The following RAB3GAP1 variants were observed in gnomAD, a reference collection of about 807,000 sequenced individuals.
RAB3GAP1 encodes the protein rab3 GTPase-activating protein catalytic subunit.
A neutral mutation model predicts 130.7 loss-of-function variants in RAB3GAP1; 86 were observed. The observed-to-expected ratio is 0.66, with a 90% CI of 0.55 to 0.79. The LOEUF is 0.79. Ranked by LOEUF, RAB3GAP1 falls within the 30% of genes least tolerant of loss-of-function variation. The pLI is 0.00. For synonymous variants in RAB3GAP1, 367 were observed against 401.7 expected (o/e 0.91, Z 1.03); for missense variants, 1,029 against 1,169.4 (o/e 0.88, Z 1.75).
intron 7 of RAB3GAP1, among the ~76,000 whole-genome samples, chr2:135,116,568 A>G (rs1046942164): frequency 1.3e-5 from 2 of 152,206 alleles, no homozygotes; most frequent in East Asian, 3.8e-4. Flanking sequence ...CATTATTGGG[A>G]CAATTGGGAT....
intron 19 of RAB3GAP1, among the ~76,000 whole-genome samples, chr2:135,155,389 TAAGAA>T (rs796567405): frequency 6.6e-6 from 1 of 152,136 alleles, no homozygotes; most frequent in African/African-American, 2.4e-5. Context: ...AAATGAAAGA[TAAGAA>T]AAGTCAGAAT....
intron 3 of RAB3GAP1, among the ~76,000 whole-genome samples, chr2:135,083,981 A>T (rs1689905129): frequency 6.6e-6 from 1 of 151,930 alleles, no homozygotes; most frequent in South Asian, 2.1e-4. Flanking sequence ...GCGGTGGCTC[A>T]TGTCTGTAAT....
rs138569494 is a variant in RAB3GAP1, at chr2:135,130,175, C to T, written c.1066+88C>T. 6.1e-5 allele frequency: 67 copies of T among 1,105,764 alleles called. No individual in the cohort carries two copies. The African/African-American group carries it at 9.4e-4, about 15-fold the overall frequency. The allele number at this position is 1,105,764 out of a possible 1,614,324, so 68.5% of individuals were successfully genotyped here. On this transcript the variant is annotated intron_variant, in intron 12 of 23. Transcript: ENST00000264158. ...TTCAGCAACTTTTCATCTGTTTTCTCATTTTGAATTAAGTTGGATAATCAA... is the reference window on the plus strand; with the variant it reads ...TTCAGCAACTTTTCATCTGTTTTCTTATTTTGAATTAAGTTGGATAATCAA...
intron 13 of RAB3GAP1, among the ~76,000 whole-genome samples, chr2:135,132,483 A>T (rs1313489429): frequency 6.6e-6 from 1 of 152,170 alleles, no homozygotes; most frequent in Non-Finnish European, 1.5e-5. Flanking sequence ...AAGCCTGTGG[A>T]TGATGTAACT....
intron 3 of RAB3GAP1, among the ~76,000 whole-genome samples, chr2:135,084,675 T>A (rs1278541667): frequency 6.6e-6 from 1 of 152,158 alleles, no homozygotes; most frequent in Non-Finnish European, 1.5e-5. Context: ...TATTTTCTAG[T>A]ACCTTTGGAA....
At position 135,168,799 on chromosome 2, in the gene RAB3GAP1, G is replaced by T. The variant is rs202083403; in HGVS notation, c.*18G>T. 1.4e-5 allele frequency: 22 copies of T among 1,602,352 alleles called. No homozygotes were observed. The Middle Eastern group carries it at 6.6e-4, about 48-fold the overall frequency. Reference sequence around the variant, plus strand: ...TCTTCTGATTCTTCTAGCATTACTCGTTGGTGGCTTCAGAGACAGTGCTGC... The same window carrying T: ...TCTTCTGATTCTTCTAGCATTACTCTTTGGTGGCTTCAGAGACAGTGCTGC... On this transcript the variant is annotated 3_prime_UTR_variant, in exon 24 of 24. Transcript: ENST00000264158.
chr2:135,061,483 T>G (rs997384976), intron 3 of RAB3GAP1, among the ~76,000 whole-genome samples: 2 of 152,230 alleles, frequency 1.3e-5, no homozygotes, highest in African/African-American at 4.8e-5. Flanking sequence ...GTATGTAGTT[T>G]GTGCTTTTAA....
chr2:135,131,403 T>C (rs1304529406), intron 13 of RAB3GAP1, among the ~76,000 whole-genome samples: 3 of 150,422 alleles, frequency 2.0e-5, no homozygotes, highest in East Asian at 2.0e-4. Flanking sequence ...TTTTTTTGTA[T>C]TTTTTTTTAG....
At chr2:135,138,151 G>C (rs1016061053) in intron 17 of RAB3GAP1, among the ~76,000 whole-genome samples, 2 of 151,676 alleles carry the variant, frequency 1.3e-5, no homozygotes, top group African/African-American at 4.8e-5. Context: ...TGTGAAAATT[G>C]TAATCTAGTA....
chr2:135,133,705 A>C (rs899560753), intron 14 of RAB3GAP1, among the ~76,000 whole-genome samples, 156 bp from the exon 15 acceptor site: 3 of 152,168 alleles, frequency 2.0e-5, no homozygotes, highest in Non-Finnish European at 2.9e-5. Context: ...CTTCCTAAGA[A>C]TAGTTTATGC....
chr2:135,100,012 G>T (rs1690408340), intron 5 of RAB3GAP1, among the ~76,000 whole-genome samples: 1 of 152,062 alleles, frequency 6.6e-6, no homozygotes, highest in South Asian at 2.1e-4. Flanking sequence ...GAGTGATATT[G>T]TGCTTCTGGA....
chr2:135,117,969 C>T (rs563171614), intron 7 of RAB3GAP1, among the ~76,000 whole-genome samples: 10 of 152,166 alleles, frequency 6.6e-5, no homozygotes, highest in South Asian at 4.2e-4. Flanking sequence ...CCTCCCACCT[C>T]GGCCTCCTGA....
chr2:135,077,040 C>T (rs1481645240), intron 3 of RAB3GAP1, among the ~76,000 whole-genome samples: 2 of 152,140 alleles, frequency 1.3e-5, no homozygotes, highest in Non-Finnish European at 2.9e-5. Flanking sequence ...GATGCCAAGG[C>T]GGGTGGATCA....
chr2:135,145,797 A>C (rs544994426), intron 17 of RAB3GAP1, among the ~76,000 whole-genome samples: 8 of 152,308 alleles, frequency 5.3e-5, no homozygotes, highest in Non-Finnish European at 1.2e-4. Context: ...AGGATTACTT[A>C]GTTTTTGCAA....
intron 7 of RAB3GAP1, among the ~76,000 whole-genome samples, chr2:135,117,450 T>TCTTCTTCTTCTTCTTCTTCTTCTG: frequency 1.1e-5 from 1 of 88,222 alleles, no homozygotes; most frequent in East Asian, 4.1e-4. Flanking sequence ...TTCTTCTTCT[T>TCTTCTTCTTCTTCTTCTTCTTCTG]CTTCTGCTTC....
At chr2:135,082,993 T>TA (rs1401484758) in intron 3 of RAB3GAP1, among the ~76,000 whole-genome samples, 1 of 152,192 alleles carries the variant, frequency 6.6e-6, no homozygotes, top group Non-Finnish European at 1.5e-5. Flanking sequence ...TTACTTATGA[T>TA]ACCTAGTACA....
At chr2:135,146,835 T>C (rs1692006776) in intron 17 of RAB3GAP1, among the ~76,000 whole-genome samples, 1 of 151,960 alleles carries the variant, frequency 6.6e-6, no homozygotes, top group Non-Finnish European at 1.5e-5. Flanking sequence ...TTTAGTCGTA[T>C]TCCCTTGCAT....
In RAB3GAP1 at chr2:135,089,175, A is replaced by G. The variant is rs1690068131; in HGVS notation, c.151-1823A>G. 2.6e-5 allele frequency among the ~76,000 whole-genome samples: 4 copies of G among 152,058 alleles called. 1 individual carries two copies. The highest frequency in any genetic ancestry group is 9.7e-5 in the African/African-American group (4 of 41,394). ...CCTTTCCCCATTGCTTGTTTTTGTC[A>G]GGTTTGTCAAAGATCAGATGGTTGT... On this transcript the variant is annotated intron_variant, in intron 3 of 23. Coordinates refer to ENST00000264158, the MANE Select transcript of RAB3GAP1 (RefSeq NM_012233.3).
chr2:135,106,681 C>T (rs1690631422), intron 5 of RAB3GAP1, among the ~76,000 whole-genome samples: 1 of 151,180 alleles, frequency 6.6e-6, no homozygotes, highest in Non-Finnish European at 1.5e-5. Flanking sequence ...ATCTGCTGAC[C>T]TTCCCTCCAC....
Sources: gnomAD v4.1 joint callset for allele counts (sites outside exome capture counted in the v4.1 genomes callset) on GRCh38, gnomAD v4.1.1 for gene constraint, MANE v1.5 for transcripts, NCBI Gene and HGNC (gene_info 2026-07-23, HGNC 2026-07-21) for gene names.